Variants in ARHGEF18 observed in about 807,000 individuals in gnomAD.
ARHGEF18 encodes the protein rho guanine nucleotide exchange factor 18.
Under a neutral mutation model 155.7 loss-of-function variants are expected in ARHGEF18, and 93 were observed. That is an observed-to-expected ratio of 0.60 (90% CI 0.50 to 0.71). ARHGEF18 has a LOEUF of 0.71. ARHGEF18 is among the 30% of genes least tolerant of loss of function. ARHGEF18 has a pLI of 0.00. For synonymous variants in ARHGEF18, 742 were observed against 753.1 expected (o/e 0.99, Z 0.24); for missense variants, 1,593 against 1,816.1 (o/e 0.88, Z 2.23).
intron 2 of ARHGEF18, among the ~76,000 whole-genome samples, chr19:7,370,489 C>T (rs1206207666): frequency 6.6e-6 from 1 of 151,786 alleles, no homozygotes; most frequent in Admixed American, 6.6e-5. Context: ...GAGTGAGACT[C>T]CATCTCAAAA....
At chr19:7,377,630 A>G (rs899173741) in intron 5 of ARHGEF18, among the ~76,000 whole-genome samples, 4 of 152,024 alleles carry the variant, frequency 2.6e-5, no homozygotes, top group Non-Finnish European at 4.4e-5. Flanking sequence ...CTAAAAATAC[A>G]AAAAACAATT....
At chr19:7,474,679 A>G (rs574204186), downstream of ARHGEF18, among the ~76,000 whole-genome samples, 78 of 150,892 alleles carry the variant, frequency 5.2e-4, no homozygotes, top group Admixed American at 1.8e-3. Context: ...CGCCTGGTCT[A>G]TTTTTTCTTC....
intron 2 of ARHGEF18, among the ~76,000 whole-genome samples, chr19:7,365,477 G>A (rs10906988): frequency 0.83 from 126,479 of 152,114 alleles, 54,846 homozygotes; most frequent in East Asian, 0.97. Flanking sequence ...GGAAGGTCCC[G>A]GGTAAAGGAT....
At chr19:7,475,030 T>G (rs986459249), downstream of ARHGEF18, among the ~76,000 whole-genome samples, 15 of 152,172 alleles carry the variant, frequency 9.9e-5, no homozygotes, top group Admixed American at 9.8e-4. Context: ...GCACAGGAGT[T>G]CAAGACCAGC....
At chr19:7,434,071 A>G (rs1974122084) in intron 10 of ARHGEF18, among the ~76,000 whole-genome samples, 1 of 151,672 alleles carries the variant, frequency 6.6e-6, no homozygotes, top group Non-Finnish European at 1.5e-5. Flanking sequence ...TGTCCCAGTA[A>G]AGTAATGCAG....
downstream of ARHGEF18, among the ~76,000 whole-genome samples, chr19:7,474,500 T>C (rs867964811): frequency 3.3e-5 from 5 of 152,090 alleles, no homozygotes; most frequent in South Asian, 2.1e-4. Context: ...TGCCTCAGCC[T>C]CCCGAGTAGC....
intron 10 of ARHGEF18, among the ~76,000 whole-genome samples, chr19:7,403,100 G>A (rs1409504220): frequency 3.3e-5 from 5 of 152,150 alleles, no homozygotes; most frequent in East Asian, 3.9e-4. Context: ...TGTAACCTCC[G>A]CCTCCTGGGT....
intron 10 of ARHGEF18, among the ~76,000 whole-genome samples, chr19:7,427,231 A>C (rs563182353): frequency 1.3e-3 from 197 of 152,284 alleles, no homozygotes; most frequent in African/African-American, 4.3e-3. Flanking sequence ...CTGAGGTCAA[A>C]TGTTGCCCCA....
intron 23 of ARHGEF18, among the ~76,000 whole-genome samples, chr19:7,465,408 CTT>C (rs397859513): frequency 2.1e-4 from 28 of 133,866 alleles, no homozygotes; most frequent in Middle Eastern, 3.8e-3. Flanking sequence ...GGGAGGATCA[CTT>C]TTTTTTTTTT....
At chr19:7,377,853 G>C (rs971289399) in intron 5 of ARHGEF18, among the ~76,000 whole-genome samples, 2 of 151,666 alleles carry the variant, frequency 1.3e-5, no homozygotes, top group Non-Finnish European at 2.9e-5. Context: ...GGGAGGCCGA[G>C]GCAGGTGGAT....
chr19:7,407,160 C>T (rs1972366062), intron 10 of ARHGEF18, among the ~76,000 whole-genome samples: 1 of 151,610 alleles, frequency 6.6e-6, no homozygotes, highest in Non-Finnish European at 1.5e-5. Flanking sequence ...CATGGTGGCT[C>T]ACGCTGGTAA....
chr19:7,450,128 A>T (rs1975267850), intron 15 of ARHGEF18, among the ~76,000 whole-genome samples: 1 of 143,608 alleles, frequency 7.0e-6, no homozygotes, highest in South Asian at 2.3e-4. Context: ...TTGGGCAGAA[A>T]CCGAGATGTT....
intron 2 of ARHGEF18, among the ~76,000 whole-genome samples, chr19:7,369,114 G>A (rs564744315): frequency 3.3e-5 from 5 of 152,238 alleles, no homozygotes; most frequent in East Asian, 1.9e-4. Context: ...TGAATCATGA[G>A]GTCAGGAGTT....
At chr19:7,375,290 AAAAG>A (rs1184646689) in intron 3 of ARHGEF18, among the ~76,000 whole-genome samples, 17 of 85,702 alleles carry the variant, frequency 2.0e-4, no homozygotes, top group Non-Finnish European at 3.0e-4. Context: ...AAAAAGAAAG[AAAAG>A]AAAGAAAGAA....
At chr19:7,407,687 A>G (rs1450587281) in intron 10 of ARHGEF18, among the ~76,000 whole-genome samples, 1 of 152,096 alleles carries the variant, frequency 6.6e-6, no homozygotes, top group African/African-American at 2.4e-5. Context: ...ATAGTAGGCC[A>G]GGGGCCAGCA....
intron 1 of ARHGEF18, among the ~76,000 whole-genome samples, chr19:7,362,123 AGG>A (rs1299215404): frequency 3.5e-5 from 1 of 28,550 alleles, no homozygotes; most frequent in East Asian, 6.8e-4. Context: ...GAGAAGGAGA[AGG>A]AGAAGGAGAA....
At chr19:7,370,277 C>T (rs933060469) in intron 2 of ARHGEF18, among the ~76,000 whole-genome samples, 10 of 152,048 alleles carry the variant, frequency 6.6e-5, no homozygotes, top group Non-Finnish European at 1.5e-4. Context: ...GGGTGGATCA[C>T]GAGGTCAGGA....
chr19:7,391,838 G>A (rs1332197332), intron 10 of ARHGEF18, among the ~76,000 whole-genome samples: 1 of 151,934 alleles, frequency 6.6e-6, no homozygotes, highest in African/African-American at 2.4e-5. Flanking sequence ...CACCACCACC[G>A]AGAATTATCC....
chr19:7,422,440 C>T (rs1292897596), intron 10 of ARHGEF18, among the ~76,000 whole-genome samples: 2 of 151,574 alleles, frequency 1.3e-5, no homozygotes, highest in African/African-American at 4.8e-5. Flanking sequence ...TCTGCCCTTG[C>T]CCACTGTCCT....
Sources: gnomAD v4.1 joint callset for allele counts (sites outside exome capture counted in the v4.1 genomes callset) on GRCh38, gnomAD v4.1.1 for gene constraint, MANE v1.5 for transcripts, NCBI Gene and HGNC (gene_info 2026-07-23, HGNC 2026-07-21) for gene names.